OSBPL8: variants seen among roughly 807,000 people sequenced by gnomAD.
OSBPL8 encodes the protein oxysterol binding protein like 8, also known as oxysterol-binding protein-related protein 8.
Under a neutral mutation model 125.5 loss-of-function variants are expected in OSBPL8, and 59 were observed. That is an observed-to-expected ratio of 0.47 (90% CI 0.38 to 0.58). The LOEUF is 0.58. Among genes scored for constraint, OSBPL8 ranks in the 20% least tolerant of loss-of-function variants. The pLI, the probability that OSBPL8 is intolerant of heterozygous loss-of-function variation, is 0.00. For missense variants in OSBPL8, 758 were observed against 1,047.8 expected (o/e 0.72, Z 3.82); for synonymous variants, 330 against 338.9 (o/e 0.97, Z 0.29).
intron 2 of OSBPL8, among the ~76,000 whole-genome samples, chr12:76,480,292 C>T (rs1315640308): frequency 6.6e-6 from 1 of 150,804 alleles, no homozygotes; most frequent in South Asian, 2.1e-4. Flanking sequence ...GTTTTAAAGT[C>T]TTTATATTTT....
At chr12:76,398,005 T>C in intron 7 of OSBPL8, 108 bp from the exon 8 acceptor site, 1 of 861,742 alleles carries the variant, frequency 1.2e-6, no homozygotes, top group Middle Eastern at 2.5e-4. Context: ...ACACGTACAC[T>C]TTAAATATTT....
At chr12:76,383,686 G>T (rs917164515) in intron 15 of OSBPL8, among the ~76,000 whole-genome samples, 2 of 152,000 alleles carry the variant, frequency 1.3e-5, no homozygotes, top group African/African-American at 2.4e-5. Context: ...CTATATAAAA[G>T]CATTTTAAGG....
Position 76,538,228 on chromosome 12 carries a change from A to G in OSBPL8, c.-68+21169T>C, listed in dbSNP as rs79994337. Reference sequence around the variant, plus strand: ...TAGTCACTAAAATATTTACAAACACATAAAAATTTGATGTGTTATATTGCT... The same window carrying G: ...TAGTCACTAAAATATTTACAAACACGTAAAAATTTGATGTGTTATATTGCT... On this transcript the variant is annotated intron_variant, in intron 1 of 23. Transcript: ENST00000261183. 9.9e-3 allele frequency among the ~76,000 whole-genome samples: 1,511 copies of G among 152,328 alleles called. 10 individuals carry two copies. The highest frequency in any genetic ancestry group is 0.017 in the South Asian group (82 of 4,826).
At position 76,555,829 on chromosome 12, in the gene OSBPL8, T is replaced by C. The variant is rs1951078154; in HGVS notation, c.-68+3568A>G. Among the ~76,000 whole-genome samples, 4 of 152,352 alleles carry C rather than the reference T, an allele frequency of 2.6e-5. No homozygotes were observed. The Middle Eastern group carries it at 0.01, about 389-fold the overall frequency. ...GTTGCAAAGCAAGTTAATCTTTTTA[T>C]TTAGGGAGAGGTGAAAATAGAGATG... On this transcript the variant is annotated intron_variant, in intron 1 of 23. Coordinates refer to ENST00000261183, the MANE Select transcript of OSBPL8 (RefSeq NM_020841.5).
At chr12:76,370,499 T>C (rs1010342334) in intron 19 of OSBPL8, among the ~76,000 whole-genome samples, 4 of 152,206 alleles carry the variant, frequency 2.6e-5, no homozygotes, top group African/African-American at 7.2e-5. Context: ...TGGGATCAGA[T>C]AGACATGAGT....
intron 11 of OSBPL8, chr12:76,390,034 A>G (rs1953492744): frequency 2.3e-6 from 1 of 425,690 alleles, no homozygotes. Flanking sequence ...AGTGAACAAT[A>G]TATACAAGAG....
At chr12:76,389,572 T>C (rs986275314) in intron 12 of OSBPL8, 73 bp downstream of exon 12, 19 of 1,228,036 alleles carry the variant, frequency 1.5e-5, no homozygotes, top group Admixed American at 5.3e-5. Flanking sequence ...CAAACGATAA[T>C]TGAAAATAGC....
chr12:76,393,672 C>T (rs1158600412), intron 9 of OSBPL8, among the ~76,000 whole-genome samples: 2 of 122,588 alleles, frequency 1.6e-5, no homozygotes, highest in Non-Finnish European at 3.2e-5. Context: ...GATCGCATCA[C>T]TGCACTCCAG....
chr12:76,502,456 G>T (rs533277639), intron 1 of OSBPL8, among the ~76,000 whole-genome samples: 2 of 152,214 alleles, frequency 1.3e-5, no homozygotes, highest in East Asian at 3.9e-4. Context: ...CAAAGAAGGG[G>T]GTTTACTAGG....
intron 10 of OSBPL8, among the ~76,000 whole-genome samples, chr12:76,391,414 C>A (rs745342221): frequency 3.9e-5 from 6 of 152,042 alleles, no homozygotes; most frequent in Non-Finnish European, 8.8e-5. Flanking sequence ...AGTAGCCCAC[C>A]CCATTCCATC....
chr12:76,553,248 T>C (rs914574665), intron 1 of OSBPL8, among the ~76,000 whole-genome samples: 1 of 152,158 alleles, frequency 6.6e-6, no homozygotes, highest in Non-Finnish European at 1.5e-5. Flanking sequence ...TAAAAAATTA[T>C]GTAATCTGAC....
At chr12:76,549,046 G>T (rs1950864775) in intron 1 of OSBPL8, among the ~76,000 whole-genome samples, 1 of 151,706 alleles carries the variant, frequency 6.6e-6, no homozygotes, top group African/African-American at 2.4e-5. Context: ...AAAAGAAAAA[G>T]AGAACAACAA....
chr12:76,539,764 C>T (rs571378964), intron 1 of OSBPL8, among the ~76,000 whole-genome samples: 33 of 152,306 alleles, frequency 2.2e-4, no homozygotes, highest in African/African-American at 7.5e-4. Context: ...AGTGCTCCGG[C>T]TTTTCTAAGA....
intron 13 of OSBPL8, 103 bp downstream of exon 13, chr12:76,386,476 G>GCTACGTCA: frequency 1.5e-6 from 2 of 1,306,486 alleles, no homozygotes; most frequent in Non-Finnish European, 2.1e-6. Context: ...CTACGTCAAA[G>GCTACGTCA]AAGCCCAGTA....
intron 4 of OSBPL8, among the ~76,000 whole-genome samples, chr12:76,434,435 T>A (rs1871212651): frequency 6.6e-6 from 1 of 152,226 alleles, no homozygotes; most frequent in East Asian, 1.9e-4. Context: ...TTCTTGACAT[T>A]GGTCAGGGCA....
At chr12:76,429,331 A>G (rs532775677) in intron 4 of OSBPL8, among the ~76,000 whole-genome samples, 3 of 141,662 alleles carry the variant, frequency 2.1e-5, no homozygotes, top group Non-Finnish European at 4.8e-5. Context: ...AGCACCTACT[A>G]TGTGTTGGGA....
chr12:76,408,232 C>T (rs541368605), intron 5 of OSBPL8, among the ~76,000 whole-genome samples: 1 of 149,790 alleles, frequency 6.7e-6, no homozygotes, highest in South Asian at 2.1e-4. Flanking sequence ...GAGGCCGAGG[C>T]GGGCAGATTA....
chr12:76,366,235 A>T (rs537567139), intron 21 of OSBPL8, among the ~76,000 whole-genome samples: 1 of 152,278 alleles, frequency 6.6e-6, no homozygotes, highest in African/African-American at 2.4e-5. Flanking sequence ...GTTTTTGGTT[A>T]CTGATTCAAT....
chr12:76,538,549 A>G (rs1950558515), intron 1 of OSBPL8, among the ~76,000 whole-genome samples: 1 of 152,228 alleles, frequency 6.6e-6, no homozygotes, highest in South Asian at 2.1e-4. Flanking sequence ...TAAAGGGATG[A>G]CAGGCAACAT....
Sources: allele counts gnomAD v4.1 joint callset (sites outside exome capture counted in the v4.1 genomes callset), GRCh38; gene constraint gnomAD v4.1.1; transcripts MANE v1.5; gene names NCBI Gene and HGNC (gene_info 2026-07-23, HGNC 2026-07-21).